The following PTK2 variants were observed in gnomAD, a reference collection of about 807,000 sequenced individuals.
The protein encoded by PTK2 is protein tyrosine kinase 2.
PTK2 carries 45 observed loss-of-function variants against 150.1 expected under a neutral mutation model. The ratio of observed to expected loss-of-function variants is 0.30; its 90% CI spans 0.24 to 0.38. The LOEUF is 0.38. Among genes scored for constraint, PTK2 ranks in the 10% least tolerant of loss-of-function variants. The pLI, the probability that PTK2 is intolerant of heterozygous loss-of-function variation, is 1.00. For synonymous variants in PTK2, 432 were observed against 449.2 expected, an observed-to-expected ratio of 0.96 and a Z score of 0.48; for missense variants, 919 against 1,307.3, an observed-to-expected ratio of 0.70 and a Z score of 4.58.
At chr8:140,860,689 G>C (rs1023416885) in intron 5 of PTK2, among the ~76,000 whole-genome samples, 2 of 152,148 alleles carry the variant, frequency 1.3e-5, no homozygotes, top group African/African-American at 4.8e-5. Context: ...GCCAAGGCTG[G>C]TCTCGAACTC....
chr8:140,666,590 A>T (rs189950520), intron 30 of PTK2, among the ~76,000 whole-genome samples: 3 of 152,084 alleles, frequency 2.0e-5, no homozygotes, highest in Non-Finnish European at 4.4e-5. Context: ...CACACACAAA[A>T]CCCCAAGCTT....
chr8:140,716,277 C>A (rs1470928308), intron 23 of PTK2, among the ~76,000 whole-genome samples: 1 of 152,166 alleles, frequency 6.6e-6, no homozygotes, highest in Non-Finnish European at 1.5e-5. Context: ...CTGGACTATT[C>A]TGCAGTAGTA....
intron 2 of PTK2, among the ~76,000 whole-genome samples, chr8:140,897,087 T>C (rs775794416): frequency 7.2e-5 from 11 of 152,042 alleles, no homozygotes; most frequent in Non-Finnish European, 1.6e-4. Context: ...TCACAAGTCA[T>C]CAGAAGAAAA....
chr8:140,870,354 GACATAGAC>G (rs2100141794), intron 4 of PTK2, among the ~76,000 whole-genome samples: 1 of 152,094 alleles, frequency 6.6e-6, no homozygotes, highest in African/African-American at 2.4e-5. Context: ...AAAGTTGTGA[GACATAGAC>G]ACAACTAAAA....
At chr8:140,967,464 T>TC (rs200912371) in intron 1 of PTK2, among the ~76,000 whole-genome samples, 204 of 53,998 alleles carry the variant, frequency 3.8e-3, no homozygotes, top group African/African-American at 7.1e-3. Flanking sequence ...TTTCTTTCTT[T>TC]TTTTTTTTTT....
Position 140,856,549 on chromosome 8 carries a change from T to C in PTK2, c.450+7763A>G, listed in dbSNP as rs151038126. Among the ~76,000 whole-genome samples the C allele has an allele frequency of 6.1e-4, 93 of 152,264 alleles. No homozygotes were observed. In the East Asian group the frequency reaches 0.017, roughly 27 times the overall value. On this transcript the variant is annotated intron_variant, in intron 5 of 31. Coordinates refer to ENST00000522684, the Ensembl canonical transcript of PTK2. ...AAATACGCACTACATAATCTGTTTA[T>C]AAGAAATTCTAAAACATGCAAAACT...
At chr8:140,829,859 A>G (rs914391734) in intron 8 of PTK2, among the ~76,000 whole-genome samples, 1 of 152,138 alleles carries the variant, frequency 6.6e-6, no homozygotes, top group Admixed American at 6.5e-5. Context: ...CCTTAACCCT[A>G]AAGTTTGTAT....
intron 13 of PTK2, 99 bp downstream of exon 13, chr8:140,793,255 T>A: frequency 1.5e-6 from 2 of 1,341,034 alleles, no homozygotes; most frequent in Non-Finnish European, 2.1e-6. Context: ...ATCATGTATA[T>A]TGAATTTAAT....
intron 30 of PTK2, among the ~76,000 whole-genome samples, 186 bp from the exon 35 acceptor site, chr8:140,665,183 C>G (rs910720710): frequency 5.3e-5 from 8 of 152,082 alleles, no homozygotes; most frequent in Non-Finnish European, 8.8e-5. Flanking sequence ...TTAGATCTGA[C>G]TGTTCATTGC....
intron 23 of PTK2, among the ~76,000 whole-genome samples, chr8:140,707,000 G>A (rs767514225): frequency 1.6e-4 from 25 of 152,178 alleles, no homozygotes; most frequent in Non-Finnish European, 3.2e-4. Flanking sequence ...GTATACCTAC[G>A]AAAGGGACAT....
At chr8:140,833,441 T>C (rs185981503) in intron 7 of PTK2, among the ~76,000 whole-genome samples, 74 of 152,320 alleles carry the variant, frequency 4.9e-4, no homozygotes, top group Non-Finnish European at 8.2e-4. Flanking sequence ...CCACCTAAGG[T>C]ACTATGTTCA....
Position 140,905,676 on chromosome 8 carries a change from T to A in PTK2, c.-32-14907A>T, listed in dbSNP as rs182089028. Among the ~76,000 whole-genome samples the A allele has an allele frequency of 2.6e-5, 4 of 152,314 alleles. No individual in the cohort carries two copies. The East Asian group carries it at 7.7e-4, about 29-fold the overall frequency. On this transcript the variant is annotated intron_variant, in intron 2 of 31. Coordinates refer to ENST00000522684, the Ensembl canonical transcript of PTK2. ...AACTCAGCTCTGGACCAAGCGGACC[T>A]AATAGACATCTACAGAACTCTCCAC...
rs184447099 is a variant in PTK2, at chr8:140,982,999, G to A, written c.-122+18126C>T. On this transcript the variant is annotated intron_variant, in intron 1 of 31. Coordinates refer to ENST00000522684, the Ensembl canonical transcript of PTK2. ...CAGAAAAGTCACAGAATTCTCACTT[G>A]AAAGAATTCTATCTTTCAAAATCCT... Among the ~76,000 whole-genome samples the A allele has an allele frequency of 3.4e-3, 522 of 152,214 alleles. 6 individuals are homozygous for A. The highest frequency in any genetic ancestry group is 0.012 in the African/African-American group (505 of 41,540).
intron 22 of PTK2, among the ~76,000 whole-genome samples, chr8:140,726,189 G>A (rs759907205): frequency 6.8e-4 from 104 of 152,168 alleles, no homozygotes; most frequent in Non-Finnish European, 1.2e-3. Context: ...AATCTGAAGC[G>A]GGGAAGGTCA....
chr8:140,982,081 A>AAAAAAAAAC (rs144602670), intron 1 of PTK2, among the ~76,000 whole-genome samples: 2 of 146,574 alleles, frequency 1.4e-5, no homozygotes, highest in African/African-American at 2.5e-5. Flanking sequence ...AAAAAAAAAA[A>AAAAAAAAAC]AATGACTCAG....
intron 1 of PTK2, among the ~76,000 whole-genome samples, chr8:140,933,155 G>A: frequency 6.8e-6 from 1 of 147,158 alleles, no homozygotes; most frequent in South Asian, 2.2e-4. Flanking sequence ...ATGGCCCCCT[G>A]ACTTTTTAAA....
At chr8:140,913,830 A>G (rs2154608057) in intron 2 of PTK2, among the ~76,000 whole-genome samples, 2 of 152,338 alleles carry the variant, frequency 1.3e-5, no homozygotes, top group South Asian at 4.1e-4. Flanking sequence ...ATATTAATTC[A>G]ACTTATAAAC....
Position 140,830,492 on chromosome 8 carries a change from T to C in PTK2, c.628A>G (p.Ser210Gly), listed in dbSNP as rs1276016435. The stretch of plus-strand genomic sequence containing the variant: ...ATTACCTTGACAGAATCCAGTAAAC[T>C]CTTAGGAAAAAATCGCTTTAAACCA... Residue 210 changes from serine to glycine, a missense_variant, in exon 8 of 32, where the codon AGT becomes GGT. Transcript: ENST00000522684. The C allele has an allele frequency of 1.9e-6, 3 of 1,544,878 alleles. No individual in the cohort carries two copies. The Admixed American group carries it at 5.6e-5, about 29-fold the overall frequency.
chr8:140,922,767 A>G (rs1341392654), intron 2 of PTK2, among the ~76,000 whole-genome samples: 1 of 152,226 alleles, frequency 6.6e-6, no homozygotes, highest in Non-Finnish European at 1.5e-5. Context: ...CACTAAGACT[A>G]AAGACAGGGT....
Sources: gnomAD v4.1 joint callset for allele counts (sites outside exome capture counted in the v4.1 genomes callset) on GRCh38, gnomAD v4.1.1 for gene constraint, MANE v1.5 for transcripts, NCBI Gene and HGNC (gene_info 2026-07-23, HGNC 2026-07-21) for gene names.